Variants in FARP1 observed in about 807,000 individuals in gnomAD.
FARP1 encodes FERM, ARH/RhoGEF and pleckstrin domain protein 1.
In FARP1, 52 loss-of-function variants were observed where a neutral mutation model predicts 128.8. The observed-to-expected ratio is 0.40, with a 90% CI of 0.32 to 0.51. FARP1 has a LOEUF of 0.51. Among genes scored for constraint, FARP1 ranks in the 20% least tolerant of loss-of-function variants. The pLI is 0.45. For missense variants in FARP1, 1,333 were observed against 1,367.9 expected, an observed-to-expected ratio of 0.97 and a Z score of 0.40; for synonymous variants, 580 against 551.8, an observed-to-expected ratio of 1.05 and a Z score of -0.72.
intron 2 of FARP1, among the ~76,000 whole-genome samples, chr13:98,247,357 T>A (rs942936456): frequency 6.6e-6 from 1 of 152,228 alleles, no homozygotes; most frequent in Non-Finnish European, 1.5e-5. Context: ...CACCCCTGGC[T>A]GGGCCCACTT....
chr13:98,439,422 G>A (rs542621957), intron 21 of FARP1, among the ~76,000 whole-genome samples: 4 of 151,614 alleles, frequency 2.6e-5, no homozygotes, highest in African/African-American at 9.7e-5. Context: ...CTGGGGACAC[G>A]GCTCCTTCTC....
At chr13:98,393,593 A>G in intron 11 of FARP1, 50 bp from the exon 12 acceptor site, 2 of 1,464,042 alleles carry the variant, frequency 1.4e-6, no homozygotes, top group Admixed American at 1.7e-5. Flanking sequence ...CCAAGGAAAA[A>G]GAAACAAAAA....
intron 10 of FARP1, chr13:98,390,441 CT>C: frequency 2.3e-6 from 1 of 430,622 alleles, no homozygotes. Context: ...TATTGGTGAA[CT>C]TTTCCATTCA....
In FARP1 at chr13:98,395,405, C is replaced by T. The variant is rs760940361; in HGVS notation, c.1343C>T (p.Thr448Met). 4 of 1,611,306 alleles carry T rather than the reference C, an allele frequency of 2.5e-6. No homozygotes were observed. Among genetic ancestry groups the T allele is most frequent in the Non-Finnish European group, 3.4e-6 (4 of 1,178,730 alleles). ...GCGGACGGAGCCGCCTCGGCGCCCA[C>T]GGAGGAAGAGGAGGAGGTCGTTAAG... ...KQADGAASAPTEEEEEVVKDR... is the reference protein window; with the variant it reads ...KQADGAASAPMEEEEEVVKDR... Residue 448 changes from threonine (T) to methionine (M), a missense_variant, in exon 13 of 27, where the codon ACG (threonine) becomes ATG (methionine). Thr to Met is a moderately conservative substitution (Grantham distance 81). Around this residue, in one of 2 missense-constraint regions of FARP1, gnomAD observed 1,009 missense variants for 969.8 expected, o/e 1.04. Coordinates refer to ENST00000319562, the MANE Select transcript of FARP1 (RefSeq NM_005766.4).
chr13:98,410,667 G>T, intron 14 of FARP1, 67 bp from the exon 15 acceptor site: 1 of 739,774 alleles, frequency 1.4e-6, no homozygotes, highest in South Asian at 1.6e-5. Flanking sequence ...ACTTTAATGA[G>T]GACATTCTCC....
chr13:98,321,843 C>T (rs1405630307), intron 2 of FARP1, among the ~76,000 whole-genome samples: 1 of 152,226 alleles, frequency 6.6e-6, no homozygotes, highest in Non-Finnish European at 1.5e-5. Context: ...CACCACCTTC[C>T]AGCCTGGGCT....
intron 2 of FARP1, among the ~76,000 whole-genome samples, chr13:98,215,823 G>A (rs1217300583): frequency 6.7e-6 from 1 of 149,378 alleles, no homozygotes; most frequent in Non-Finnish European, 1.5e-5. Context: ...ACGGAGTCTT[G>A]CTGTGTCTCT....
At chr13:98,342,612 A>G (rs1221531733) in intron 2 of FARP1, among the ~76,000 whole-genome samples, 1 of 152,162 alleles carries the variant, frequency 6.6e-6, no homozygotes, top group African/African-American at 2.4e-5. Context: ...AGGTAGGAGA[A>G]TCACTTGAAC....
intron 1 of FARP1, among the ~76,000 whole-genome samples, chr13:98,148,719 C>T (rs971055557): frequency 1.3e-5 from 2 of 152,156 alleles, no homozygotes; most frequent in African/African-American, 4.8e-5. Flanking sequence ...GTAAGTTTAT[C>T]TGGGTGTGCA....
At chr13:98,374,166 G>A (rs1200632342) in intron 5 of FARP1, among the ~76,000 whole-genome samples, 2 of 152,202 alleles carry the variant, frequency 1.3e-5, no homozygotes. Context: ...GCTCACATCT[G>A]TAATCCCAGC....
chr13:98,343,076 A>T (rs1888037190), intron 2 of FARP1, among the ~76,000 whole-genome samples: 1 of 152,192 alleles, frequency 6.6e-6, no homozygotes, highest in African/African-American at 2.4e-5. Flanking sequence ...ACTGAATGAA[A>T]GAAGGCAGTC....
intron 2 of FARP1, among the ~76,000 whole-genome samples, chr13:98,256,284 C>T (rs9582206): frequency 0.048 from 7,242 of 152,144 alleles, 260 homozygotes; most frequent in African/African-American, 0.098. Flanking sequence ...ATTTAAAATT[C>T]GAGGTTTTTA....
At chr13:98,411,038 A>G (rs1891170882) in intron 15 of FARP1, among the ~76,000 whole-genome samples, 1 of 152,232 alleles carries the variant, frequency 6.6e-6, no homozygotes, top group Admixed American at 6.5e-5. Context: ...CAAGTGCAAA[A>G]GAAGGAAGTT....
At chr13:98,165,039 AC>A (rs1317905565) in intron 1 of FARP1, among the ~76,000 whole-genome samples, 1 of 151,908 alleles carries the variant, frequency 6.6e-6, no homozygotes, top group Non-Finnish European at 1.5e-5. Context: ...GCATGGCAAA[AC>A]CCTGTCTTTA....
At chr13:98,291,043 C>T (rs2127777) in intron 2 of FARP1, among the ~76,000 whole-genome samples, 4,560 of 152,194 alleles carry the variant, frequency 0.03, 117 homozygotes, top group Middle Eastern at 0.11. Flanking sequence ...CCGTGAACAA[C>T]GCAGGTTGGG....
At chr13:98,288,474 T>C (rs1885299136) in intron 2 of FARP1, among the ~76,000 whole-genome samples, 1 of 152,222 alleles carries the variant, frequency 6.6e-6, no homozygotes, top group Non-Finnish European at 1.5e-5. Flanking sequence ...ATTACTTCCT[T>C]GGAGTCTTTC....
intron 2 of FARP1, among the ~76,000 whole-genome samples, chr13:98,258,117 C>T (rs1025434549): frequency 3.3e-5 from 5 of 151,996 alleles, no homozygotes; most frequent in East Asian, 1.9e-4. Context: ...GAGGCACCCG[C>T]GACCGTGCCC....
intron 1 of FARP1, among the ~76,000 whole-genome samples, chr13:98,153,376 TA>T (rs1876195095): frequency 8.4e-6 from 1 of 119,688 alleles, no homozygotes; most frequent in Non-Finnish European, 1.8e-5. Context: ...ATGTTATATA[TA>T]AATATATAAT....
chr13:98,177,404 T>G, intron 1 of FARP1: 1 of 537,202 alleles, frequency 1.9e-6, no homozygotes. Flanking sequence ...CCCGGGACAC[T>G]GGGAGGCCGA....
Sources: gnomAD v4.1 joint callset for allele counts (sites outside exome capture counted in the v4.1 genomes callset) on GRCh38, gnomAD v4.1.1 for gene constraint, gnomAD v4.1.1 regional missense constraint, MANE v1.5 for transcripts, NCBI Gene and HGNC (gene_info 2026-07-23, HGNC 2026-07-21) for gene names.